The following AGBL4 variants were observed in gnomAD, a reference collection of about 807,000 sequenced individuals.
AGBL4 encodes the protein cytosolic carboxypeptidase 6.
Under a neutral mutation model 66.4 loss-of-function variants are expected in AGBL4, and 58 were observed. The ratio of observed to expected loss-of-function variants is 0.87; its 90% CI spans 0.71 to 1.09. AGBL4 has a LOEUF of 1.09. Among genes scored for constraint, AGBL4 ranks in the 50% least tolerant of loss-of-function variants. AGBL4 has a pLI of 0.00. For missense variants in AGBL4, 579 were observed against 631.0 expected, an observed-to-expected ratio of 0.92 and a Z score of 0.88; for synonymous variants, 234 against 222.9, an observed-to-expected ratio of 1.05 and a Z score of -0.44.
chr1:49,972,528 T>TC (rs1369194926), intron 1 of AGBL4, among the ~76,000 whole-genome samples: 1 of 152,138 alleles, frequency 6.6e-6, no homozygotes, highest in African/African-American at 2.4e-5. Context: ...TGAGTAGTAA[T>TC]CCAAGCTCTT....
At chr1:49,426,103 A>T (rs1458790504) in intron 3 of AGBL4, among the ~76,000 whole-genome samples, 1 of 152,114 alleles carries the variant, frequency 6.6e-6, no homozygotes, top group African/African-American at 2.4e-5. Context: ...TTTTATTGTT[A>T]TTTTTCAAGT....
intron 6 of AGBL4, among the ~76,000 whole-genome samples, chr1:48,856,327 T>A (rs925955034): frequency 2.0e-5 from 3 of 152,242 alleles, no homozygotes; most frequent in Non-Finnish European, 4.4e-5. Context: ...TATGTAAATA[T>A]GTTTCTGCAT....
intron 1 of AGBL4, among the ~76,000 whole-genome samples, chr1:49,951,415 C>CA (rs1046202022): frequency 5.9e-5 from 9 of 151,686 alleles, no homozygotes; most frequent in African/African-American, 9.7e-5. Context: ...AAAGACTCTG[C>CA]AAAAAAACAC....
At chr1:48,789,774 G>T (rs1645501376) in intron 6 of AGBL4, among the ~76,000 whole-genome samples, 1 of 152,190 alleles carries the variant, frequency 6.6e-6, no homozygotes, top group South Asian at 2.1e-4. Context: ...CTGGCAGCTA[G>T]ACTCACCAGC....
intron 8 of AGBL4, among the ~76,000 whole-genome samples, chr1:48,645,463 GA>G (rs1268557332): frequency 6.6e-6 from 1 of 152,124 alleles, no homozygotes; most frequent in African/African-American, 2.4e-5. Flanking sequence ...AATGCAAGTG[GA>G]AAAAATTAAA....
Position 48,750,565 on chromosome 1 carries a change from C to A in AGBL4, c.635-87324G>T, listed in dbSNP as rs200287597. Among the ~76,000 whole-genome samples the A allele has an allele frequency of 3.3e-5, 5 of 152,344 alleles. No individual in the cohort carries two copies. In the East Asian group the frequency reaches 9.7e-4, roughly 29 times the overall value. On this transcript the variant is annotated intron_variant, in intron 6 of 13. Coordinates refer to ENST00000371839, the MANE Select transcript of AGBL4 (RefSeq NM_032785.4). ...AAGTAAAGCTCACCCTGCATCCCAA[C>A]TGTCTGCTGTTGAGACTGTGACTTC...
At chr1:49,060,170 A>T (rs1644378261) in intron 4 of AGBL4, among the ~76,000 whole-genome samples, 1 of 152,140 alleles carries the variant, frequency 6.6e-6, no homozygotes, top group South Asian at 2.1e-4. Flanking sequence ...ATGTTGTGCA[A>T]GGGACCCTGT....
At chr1:48,767,457 T>C (rs982878818) in intron 6 of AGBL4, among the ~76,000 whole-genome samples, 5 of 152,066 alleles carry the variant, frequency 3.3e-5, no homozygotes, top group African/African-American at 4.8e-5. Flanking sequence ...TTTAGGAAGA[T>C]TAATGTGACA....
intron 6 of AGBL4, among the ~76,000 whole-genome samples, chr1:48,855,370 T>C (rs1334109285): frequency 1.3e-5 from 2 of 152,344 alleles, no homozygotes; most frequent in South Asian, 4.1e-4. Flanking sequence ...AATTAGTTTG[T>C]CTCTCAGAGA....
At chr1:49,987,537 A>G (rs543003641) in intron 1 of AGBL4, among the ~76,000 whole-genome samples, 8 of 152,184 alleles carry the variant, frequency 5.3e-5, no homozygotes, top group Middle Eastern at 3.4e-3. Context: ...TATGTAAAAT[A>G]GCAACGTAAC....
intron 1 of AGBL4, among the ~76,000 whole-genome samples, chr1:49,966,546 C>T (rs1450790797): frequency 6.6e-6 from 1 of 152,098 alleles, no homozygotes; most frequent in African/African-American, 2.4e-5. Flanking sequence ...AACATGCAGA[C>T]ATTAGTACCA....
chr1:49,015,524 G>A (rs1358345109), intron 5 of AGBL4, among the ~76,000 whole-genome samples: 1 of 150,344 alleles, frequency 6.7e-6, no homozygotes, highest in Non-Finnish European at 1.5e-5. Context: ...CTGGGTTCAC[G>A]CCATTCTCCT....
chr1:49,716,499 AG>A (rs1648150573), intron 2 of AGBL4, among the ~76,000 whole-genome samples: 1 of 151,892 alleles, frequency 6.6e-6, no homozygotes, highest in East Asian at 1.9e-4. Context: ...GAAAGCCAAT[AG>A]TAGCTTGATG....
chr1:49,835,568 T>C (rs892448654), intron 2 of AGBL4, among the ~76,000 whole-genome samples: 1 of 152,252 alleles, frequency 6.6e-6, no homozygotes, highest in Non-Finnish European at 1.5e-5. Flanking sequence ...TTAGCCCATT[T>C]GCATTTAAGG....
intron 4 of AGBL4, among the ~76,000 whole-genome samples, chr1:49,193,818 C>T (rs144713504): frequency 6.6e-6 from 1 of 152,266 alleles, no homozygotes; most frequent in East Asian, 1.9e-4. Context: ...CAGGCGTGAG[C>T]CACCGTGCCC....
chr1:48,693,996 T>C (rs1435638697), intron 6 of AGBL4, among the ~76,000 whole-genome samples: 1 of 148,810 alleles, frequency 6.7e-6, no homozygotes, highest in African/African-American at 2.5e-5. Context: ...AAGCCCTTCT[T>C]ACGTTCCGCC....
intron 3 of AGBL4, among the ~76,000 whole-genome samples, chr1:49,628,133 A>G (rs893569896): frequency 2.0e-5 from 3 of 152,092 alleles, no homozygotes; most frequent in African/African-American, 4.8e-5. Context: ...TGTTTCTCAA[A>G]AGGCACATAA....
chr1:48,569,033 G>T (rs1644519668), intron 11 of AGBL4, among the ~76,000 whole-genome samples: 1 of 152,134 alleles, frequency 6.6e-6, no homozygotes, highest in Admixed American at 6.5e-5. Flanking sequence ...GCCAGTGTCT[G>T]GTCCTTTTGA....
chr1:49,496,095 TG>T (rs1647535830), intron 3 of AGBL4, among the ~76,000 whole-genome samples: 1 of 152,042 alleles, frequency 6.6e-6, no homozygotes, highest in Non-Finnish European at 1.5e-5. Context: ...GAAGATTGAA[TG>T]GGCTATTCCA....
Sources: allele counts gnomAD v4.1 joint callset (sites outside exome capture counted in the v4.1 genomes callset), GRCh38; gene constraint gnomAD v4.1.1; transcripts MANE v1.5; gene names NCBI Gene and HGNC (gene_info 2026-07-23, HGNC 2026-07-21).